The following NEBL variants were observed in gnomAD, a reference collection of about 807,000 sequenced individuals.
NEBL encodes the protein nebulette, also known as LIM and SH3 protein 2.
In NEBL, 122 loss-of-function variants were observed where a neutral mutation model predicts 140.2. That is an observed-to-expected ratio of 0.87 (90% confidence interval 0.75 to 1.01). The LOEUF is 1.01. Ranked by LOEUF, NEBL falls within the 50% of genes least tolerant of loss-of-function variation. The pLI is 0.00. For missense variants in NEBL, 1,365 were observed against 1,231.3 expected (o/e 1.11, Z -1.62); for synonymous variants, 436 against 398.9 (o/e 1.09, Z -1.11).
chr10:20,968,428 C>T (rs1336909925), intron 3 of NEBL, among the ~76,000 whole-genome samples: 1 of 152,050 alleles, frequency 6.6e-6, no homozygotes, highest in Non-Finnish European at 1.5e-5. Flanking sequence ...GGAGGAATAC[C>T]TCAGCCCAGA....
At position 20,784,682 on chromosome 10, in the gene NEBL, T is replaced by C. The variant is rs1055800285; in HGVS notation, c.*1065A>G. 2.0e-5 allele frequency: 3 copies of C among 152,198 alleles called. No individual in the cohort carries two copies. Among genetic ancestry groups the C allele is most frequent in the African/African-American group, 7.2e-5 (3 of 41,452 alleles). The allele number at this position is 152,198 out of a possible 1,614,324, so 9.4% of individuals were successfully genotyped here. A position where few individuals can be genotyped will look rare whatever the true frequency, so the allele number is the denominator to read the frequency against. ...GCTTCCATTGCTTCACTGGCTTCTG[T>C]TACATTTTCTTCACTTTGAAATCAA... is the stretch of plus-strand genomic sequence containing the variant. On this transcript the variant is annotated 3_prime_UTR_variant, in exon 28 of 28. Transcript: ENST00000377122.
intron 4 of NEBL, among the ~76,000 whole-genome samples, chr10:20,955,710 G>C (rs1835767448): frequency 6.6e-6 from 1 of 152,060 alleles, no homozygotes; most frequent in African/African-American, 2.4e-5. Context: ...AGATATTTTA[G>C]AACACCTCAT....
chr10:20,819,022 A>C lies in NEBL; in HGVS notation c.2055+402T>G, dbSNP rs909958158. 6.0e-6 allele frequency: 6 copies of C among 1,002,064 alleles called. No homozygotes were observed. The South Asian group carries it at 1.9e-4, about 33-fold the overall frequency. The allele number at this position is 1,002,064 out of a possible 1,614,324, so 62.1% of individuals were successfully genotyped here. ...TACATATTCACTTTTTCATGTTATA[A>C]TGATATGATTCATCCATATAATTGC... On this transcript the variant is annotated intron_variant, in intron 20 of 27. Transcript: ENST00000377122.
intron 2 of NEBL, among the ~76,000 whole-genome samples, chr10:21,055,209 T>C (rs1202573204): frequency 6.6e-6 from 1 of 152,194 alleles, no homozygotes; most frequent in South Asian, 2.1e-4. Flanking sequence ...GCTAGGACTA[T>C]GAAATTGGAA....
At chr10:20,910,195 A>C (rs533821297) in intron 4 of NEBL, among the ~76,000 whole-genome samples, 7 of 152,344 alleles carry the variant, frequency 4.6e-5, no homozygotes, top group Admixed American at 1.3e-4. Context: ...AATTATCTAT[A>C]TAGTTAAGCA....
At chr10:21,196,316 TA>T (rs1841648872) in intron 3 of NEBL, among the ~76,000 whole-genome samples, 5 of 131,460 alleles carry the variant, frequency 3.8e-5, no homozygotes, top group African/African-American at 1.1e-4. Context: ...TTTTTATTTT[TA>T]TTTATTTATT....
chr10:20,790,317 T>C (rs1187659158), intron 26 of NEBL, among the ~76,000 whole-genome samples: 1 of 151,490 alleles, frequency 6.6e-6, no homozygotes, highest in Non-Finnish European at 1.5e-5. Context: ...ATAGGGGTTA[T>C]AAAAAAAATA....
chr10:21,124,965 A>G (rs374453075), intron 2 of NEBL, among the ~76,000 whole-genome samples: 1 of 152,212 alleles, frequency 6.6e-6, no homozygotes, highest in Non-Finnish European at 1.5e-5. Context: ...ATCTCTAAAA[A>G]AGAAAAAGAA....
At chr10:20,885,488 A>G (rs1846431541) in intron 4 of NEBL, among the ~76,000 whole-genome samples, 1 of 152,232 alleles carries the variant, frequency 6.6e-6, no homozygotes, top group African/African-American at 2.4e-5. Flanking sequence ...ATAGGATAAC[A>G]TGCTAACAAT....
chr10:21,048,859 A>AT (rs1834637733), intron 2 of NEBL, among the ~76,000 whole-genome samples: 1 of 151,980 alleles, frequency 6.6e-6, no homozygotes, highest in Non-Finnish European at 1.5e-5. Flanking sequence ...AAAAAATAAA[A>AT]TTAGCCGGGC....
Position 20,787,224 on chromosome 10 carries a change from G to A in NEBL, c.2846C>T (p.Ser949Leu). 1 of 1,612,642 alleles carries A rather than the reference G, an allele frequency of 6.2e-7. No homozygotes were observed. The highest frequency in any genetic ancestry group is 1.1e-5 in the South Asian group (1 of 90,788). ...MHQTSVSSMR[S>L]MQHSPNLRTY... ...TACTAGATTTGGTGAATGCTGCATTGATCTCATGGATGACACACTGGTCTG... is the reference window on the plus strand; with the variant it reads ...TACTAGATTTGGTGAATGCTGCATTAATCTCATGGATGACACACTGGTCTG... Residue 949 changes from serine (S) to leucine (L), a missense_variant, in exon 27 of 28, where the codon TCA (serine) becomes TTA (leucine). Physicochemically the swap from Ser to Leu is moderately radical, Grantham distance 145. Around this residue, in one of 2 missense-constraint regions of NEBL, gnomAD observed 1,323 missense variants for 1,154.8 expected, o/e 1.15. Transcript: ENST00000377122.
At chr10:20,985,941 CA>C (rs1837240268) in intron 3 of NEBL, among the ~76,000 whole-genome samples, 1 of 152,036 alleles carries the variant, frequency 6.6e-6, no homozygotes, top group Non-Finnish European at 1.5e-5. Context: ...ATTATTTGTG[CA>C]AGAATTAAAA....
intron 2 of NEBL, among the ~76,000 whole-genome samples, chr10:21,034,267 A>G (rs1833927271): frequency 6.6e-6 from 1 of 151,846 alleles, no homozygotes; most frequent in African/African-American, 2.4e-5. Flanking sequence ...CTATAAATGT[A>G]TGGCCCAAAA....
chr10:20,855,905 T>C (rs982967334), intron 9 of NEBL, among the ~76,000 whole-genome samples: 9 of 152,204 alleles, frequency 5.9e-5, no homozygotes, highest in African/African-American at 2.2e-4. Flanking sequence ...AGCAATCTTA[T>C]TCAATCTTTT....
At chr10:20,919,360 T>C (rs1833467397) in intron 4 of NEBL, among the ~76,000 whole-genome samples, 1 of 152,222 alleles carries the variant, frequency 6.6e-6, no homozygotes, top group African/African-American at 2.4e-5. Flanking sequence ...ATTGGAAGAA[T>C]AAGGGTAGCC....
chr10:20,938,686 T>G (rs1834656131), intron 4 of NEBL, among the ~76,000 whole-genome samples: 1 of 151,926 alleles, frequency 6.6e-6, no homozygotes, highest in Non-Finnish European at 1.5e-5. Flanking sequence ...AGTTAAAAAC[T>G]TGAAAAAAAA....
intron 4 of NEBL, among the ~76,000 whole-genome samples, chr10:20,921,821 A>C (rs952306558): frequency 3.9e-5 from 6 of 152,046 alleles, no homozygotes; most frequent in African/African-American, 1.5e-4. Context: ...GCACACCCCC[A>C]CACACATAGC....
At chr10:21,157,048 A>G (rs1035650664) in intron 2 of NEBL, among the ~76,000 whole-genome samples, 4 of 152,206 alleles carry the variant, frequency 2.6e-5, no homozygotes, top group African/African-American at 4.8e-5. Context: ...ATTGTTTTAC[A>G]AGCTTACAAA....
intron 7 of NEBL, among the ~76,000 whole-genome samples, chr10:20,862,481 G>C (rs1843815994): frequency 6.6e-6 from 1 of 152,214 alleles, no homozygotes; most frequent in Non-Finnish European, 1.5e-5. Context: ...AATGGTTGCA[G>C]TGAGTCACAT....
Sources: allele counts gnomAD v4.1 joint callset (sites outside exome capture counted in the v4.1 genomes callset), GRCh38; gene constraint gnomAD v4.1.1; regional missense constraint gnomAD v4.1.1; transcripts MANE v1.5; gene names NCBI Gene and HGNC (gene_info 2026-07-23, HGNC 2026-07-21).